Variants in ALMS1 observed in about 807,000 individuals in gnomAD.
ALMS1 encodes the protein ALMS1 centrosome and basal body associated protein.
In ALMS1, 271 loss-of-function variants were observed where a neutral mutation model predicts 352.2. That is an observed-to-expected ratio of 0.77 (90% CI 0.70 to 0.85). The LOEUF is 0.85. Among genes scored for constraint, ALMS1 ranks in the 40% least tolerant of loss-of-function variants. ALMS1 has a pLI of 0.00. For synonymous variants in ALMS1, 1,865 were observed against 1,761.2 expected (o/e 1.06, Z -1.48); for missense variants, 5,445 against 4,870.7 (o/e 1.12, Z -3.51).
intron 19 of ALMS1, among the ~76,000 whole-genome samples, chr2:73,601,826 C>T (rs1369239844): frequency 6.6e-6 from 1 of 152,228 alleles, no homozygotes; most frequent in Non-Finnish European, 1.5e-5. Context: ...AACCAGGTCT[C>T]TTCTGATGTG....
intron 9 of ALMS1, among the ~76,000 whole-genome samples, chr2:73,471,467 A>G (rs1338119934): frequency 2.1e-5 from 3 of 146,180 alleles, no homozygotes; most frequent in African/African-American, 7.7e-5. Flanking sequence ...TCCAAAGTAT[A>G]TAAGGAACAC....
chr2:73,429,779 T>C (rs1459439859), intron 6 of ALMS1, among the ~76,000 whole-genome samples: 1 of 152,244 alleles, frequency 6.6e-6, no homozygotes, highest in Non-Finnish European at 1.5e-5. Flanking sequence ...TGTTTTCTTG[T>C]GAACATTGTC....
chr2:73,566,298 A>G (rs78425445), intron 15 of ALMS1, among the ~76,000 whole-genome samples: 8,275 of 152,268 alleles, frequency 0.054, 249 homozygotes, highest in Non-Finnish European at 0.062. Context: ...CTGCTCTTGC[A>G]CTTTGGGGCC....
intron 9 of ALMS1, among the ~76,000 whole-genome samples, chr2:73,456,370 GATA>G (rs1672059344): frequency 6.6e-6 from 1 of 152,126 alleles, no homozygotes; most frequent in Non-Finnish European, 1.5e-5. Flanking sequence ...GTGATTACAT[GATA>G]ATTTATTCTT....
intron 9 of ALMS1, among the ~76,000 whole-genome samples, chr2:73,461,373 C>A (rs964761216): frequency 4.6e-5 from 7 of 152,224 alleles, no homozygotes; most frequent in Admixed American, 2.6e-4. Flanking sequence ...AGCAAACTCC[C>A]AACAGACCTG....
intron 9 of ALMS1, among the ~76,000 whole-genome samples, chr2:73,461,473 G>C (rs949098921): frequency 1.3e-5 from 2 of 152,188 alleles, no homozygotes; most frequent in Non-Finnish European, 2.9e-5. Context: ...CATCATCAAA[G>C]ACCAAAGGTA....
At chr2:73,447,384 C>T (rs777131473) in intron 7 of ALMS1, among the ~76,000 whole-genome samples, 12 of 151,952 alleles carry the variant, frequency 7.9e-5, no homozygotes, top group Non-Finnish European at 1.8e-4. Flanking sequence ...AGAGTTTTTT[C>T]AGTTTTATGT....
Position 73,593,190 on chromosome 2 carries a change from GGA to G in ALMS1, c.11548-6210_11548-6209del, listed in dbSNP as rs1491190972. Among the ~76,000 whole-genome samples, 998 of 129,338 alleles carry G rather than the reference GGA, an allele frequency of 7.7e-3. 18 individuals carry two copies. The highest frequency in any genetic ancestry group is 0.03 in the African/African-American group (953 of 31,318). The allele number at this position is 129,338 out of a possible 152,430, so 84.9% of individuals were successfully genotyped here. Reference sequence around the variant, plus strand: ...CTGACCGCATATATAAATGGATTCAGGAAAAAAAAAAAAAAAAAGTTCCATCC... The same window carrying G: ...CTGACCGCATATATAAATGGATTCAGAAAAAAAAAAAAAAAAGTTCCATCC... On this transcript the variant is annotated intron_variant, in intron 16 of 22. Coordinates refer to ENST00000613296, the MANE Select transcript of ALMS1 (RefSeq NM_001378454.1).
In ALMS1 at chr2:73,427,811, C is replaced by T. The variant is rs552224811; in HGVS notation, c.1338+1258C>T. On this transcript the variant is annotated intron_variant, in intron 6 of 22. Transcript: ENST00000613296. ...GGTACTGTAAGTCCCAAGGTGGGCC[C>T]TACTTCCTTGTGATATAGCCTTATA... Among the ~76,000 whole-genome samples the T allele has an allele frequency of 3.9e-5, 6 of 152,168 alleles. No homozygotes were observed. The East Asian group carries it at 1.2e-3, about 29-fold the overall frequency.
chr2:73,424,416 C>G lies in ALMS1; in HGVS notation c.765-14C>G. 1 of 1,459,516 alleles carries G rather than the reference C, an allele frequency of 6.9e-7. No individual in the cohort carries two copies. Among genetic ancestry groups the G allele is most frequent in the Non-Finnish European group, 9.3e-7 (1 of 1,080,572 alleles). The allele number at this position is 1,459,516 out of a possible 1,614,324, so 90.4% of individuals were successfully genotyped here. A position where few individuals can be genotyped will look rare whatever the true frequency, so the allele number is the denominator to read the frequency against. ...ATGTTATTTATTTATTTATTTTTAA[C>G]TATATATTTTCAGGGGAATTCCTGA... On this transcript the variant is annotated splice_polypyrimidine_tract_variant and intron_variant, in intron 4 of 22. Transcript: ENST00000613296.
At chr2:73,599,577 A>G in intron 17 of ALMS1, 56 bp downstream of exon 17, 1 of 1,560,200 alleles carries the variant, frequency 6.4e-7, no homozygotes, top group South Asian at 1.1e-5. Context: ...GCTCTTAAAC[A>G]TGTAAGATAC....
chr2:73,422,860 T>C lies in ALMS1; in HGVS notation c.650T>C (p.Ile217Thr), dbSNP rs4482512. The change falls in exon 4 of 23, where the codon ATA (isoleucine) becomes ACA (threonine). Residue 217 changes from isoleucine (I) to threonine (T), a missense_variant. By Grantham distance (89) the Ile-to-Thr change is moderately conservative. Transcript: ENST00000613296. ...RDLFCSPLLV[I>T]QDSFASPDLP... is the part of the protein sequence containing the mutation. ...TTTAATATTTGAAACTTTACAGTCA[T>C]ACAAGATAGCTTTGCTTCTCCTGAT... is the stretch of plus-strand genomic sequence containing the variant. 21 of 1,610,522 alleles carry C rather than the reference T, an allele frequency of 1.3e-5. No homozygotes were observed. The highest frequency in any genetic ancestry group is 1.8e-5 in the Non-Finnish European group (21 of 1,176,840).
chr2:73,398,500 T>C (rs1670811288), intron 1 of ALMS1, among the ~76,000 whole-genome samples: 1 of 152,156 alleles, frequency 6.6e-6, no homozygotes, highest in Non-Finnish European at 1.5e-5. Context: ...GGGATTTTGA[T>C]TGGGATTGCG....
At chr2:73,581,796 G>C (rs1675186192) in intron 16 of ALMS1, among the ~76,000 whole-genome samples, 1 of 150,722 alleles carries the variant, frequency 6.6e-6, no homozygotes, top group Non-Finnish European at 1.5e-5. Context: ...CCAGCCTGGA[G>C]TGCAGTGGCA....
chr2:73,536,297 T>C (rs896093800), intron 12 of ALMS1, among the ~76,000 whole-genome samples: 3 of 152,198 alleles, frequency 2.0e-5, no homozygotes, highest in Non-Finnish European at 2.9e-5. Flanking sequence ...GCTATCGATA[T>C]ACGTCACTAA....
intron 13 of ALMS1, among the ~76,000 whole-genome samples, chr2:73,550,883 C>T (rs62153185): frequency 5.9e-5 from 9 of 151,742 alleles, no homozygotes; most frequent in African/African-American, 1.9e-4. Context: ...ACTCTGTCAC[C>T]CAGGCTGGAG....
At chr2:73,437,766 C>T (rs1015592165) in intron 7 of ALMS1, among the ~76,000 whole-genome samples, 3 of 152,108 alleles carry the variant, frequency 2.0e-5, no homozygotes, top group African/African-American at 4.8e-5. Context: ...GCGAGGTCCT[C>T]AAAGGGCCTA....
chr2:73,562,616 G>A (rs536165177), intron 15 of ALMS1, among the ~76,000 whole-genome samples: 4 of 152,138 alleles, frequency 2.6e-5, no homozygotes, highest in African/African-American at 7.2e-5. Context: ...GGCCAGACGC[G>A]GTGGCTCATG....
At chr2:73,551,687 C>T (rs1033469846) in intron 13 of ALMS1, among the ~76,000 whole-genome samples, 11 of 152,020 alleles carry the variant, frequency 7.2e-5, no homozygotes, top group Non-Finnish European at 1.3e-4. Flanking sequence ...CTGCCTGCCT[C>T]GGCCTCCCAA....
Sources: gnomAD v4.1 joint callset for allele counts (sites outside exome capture counted in the v4.1 genomes callset) on GRCh38, gnomAD v4.1.1 for gene constraint, MANE v1.5 for transcripts, NCBI Gene and HGNC (gene_info 2026-07-23, HGNC 2026-07-21) for gene names.